The following CLK3 variants were observed in gnomAD, a reference collection of about 807,000 sequenced individuals.
CLK3 encodes the protein dual specificity protein kinase CLK3.
Under a neutral mutation model 65.2 loss-of-function variants are expected in CLK3, and 24 were observed. The ratio of observed to expected loss-of-function variants is 0.37; its 90% CI spans 0.27 to 0.52. The LOEUF is 0.52. Ranked by LOEUF, CLK3 falls within the 20% of genes least tolerant of loss-of-function variation. CLK3 has a pLI of 0.92. For synonymous variants in CLK3, 252 were observed against 240.8 expected (o/e 1.05, Z -0.43); for missense variants, 506 against 660.0 (o/e 0.77, Z 2.56).
rs767858621 is a variant in CLK3 at position 74,627,691 on chromosome 15, A to G, written c.1042+23A>G. The G allele has an allele frequency of 6.2e-6, 10 of 1,612,782 alleles. No individual in the cohort carries two copies. In the African/African-American group the frequency reaches 1.2e-4, roughly 19 times the overall value. The stretch of plus-strand genomic sequence containing the variant: ...TTGGTGAGTGACTGTATGGCCTGTG[A>G]CCTTGTCATACTGGACTGTTGTTGG... On this transcript the variant is annotated intron_variant, in intron 9 of 12. Coordinates refer to ENST00000395066, the MANE Select transcript of CLK3 (RefSeq NM_001130028.2). This position sits in a 1 kb window ranked among gnomAD's most constrained non-coding sequence, Gnocchi z 4.3.
chr15:74,625,660 A>C, intron 6 of CLK3, 142 bp from the exon 7 acceptor site: 1 of 806,082 alleles, frequency 1.2e-6, no homozygotes, highest in Non-Finnish European at 2.0e-6. Context: ...TCTTGCTCTG[A>C]TTTCTCTTGC....
In CLK3 at chr15:74,620,051, T is replaced by G. The variant is rs886951541; in HGVS notation, c.195T>G (p.Arg65=). The change falls in exon 3 of 13, where the codon CGT becomes CGG. Residue 65 remains arginine (R), a synonymous_variant. Coordinates refer to ENST00000395066, the MANE Select transcript of CLK3 (RefSeq NM_001130028.2). ...LPYQRRYRER[R]DSDTYRCEER... is the part of the protein sequence containing the mutation. ...ACCAGAGGAGGTACCGGGAGCGCCG[T>G]GACAGCGATACATACCGGTGTGAAG... is the stretch of plus-strand genomic sequence containing the variant. 6.2e-7 allele frequency: 1 copy of G among 1,614,200 alleles called. No individual in the cohort carries two copies. Among genetic ancestry groups the G allele is most frequent in the Non-Finnish European group, 8.5e-7 (1 of 1,180,042 alleles).
In CLK3 at chr15:74,622,283, C is replaced by T. The variant is rs2062109822; in HGVS notation, c.466+67C>T. 3 of 1,488,560 alleles carry T rather than the reference C, an allele frequency of 2.0e-6. No homozygotes were observed. Among genetic ancestry groups the T allele is most frequent in the African/African-American group, 2.8e-5 (2 of 72,602 alleles). The allele number at this position is 1,488,560 out of a possible 1,614,324, so 92.2% of individuals were successfully genotyped here. A position where few individuals can be genotyped will look rare whatever the true frequency, so the allele number is the denominator to read the frequency against. ...CCCCCCTTGTTAGACGAGACCTCTC[C>T]TGCCTGGAGGGGCCTCTAGTGCGCG... On this transcript the variant is annotated intron_variant, in intron 4 of 12. Transcript: ENST00000395066. This position sits in a 1 kb window ranked among gnomAD's most constrained non-coding sequence, Gnocchi z 4.6.
chr15:74,614,026 T>C (rs1049997529), upstream of CLK3, among the ~76,000 whole-genome samples: 1 of 152,200 alleles, frequency 6.6e-6, no homozygotes, highest in African/African-American at 2.4e-5. Flanking sequence ...CCTAACTTTC[T>C]TTTTTGAGAC....
At chr15:74,609,027 G>C (rs1485023085) in intron 1 of CLK3, among the ~76,000 whole-genome samples, 1 of 152,182 alleles carries the variant, frequency 6.6e-6, no homozygotes, top group Non-Finnish European at 1.5e-5. Flanking sequence ...GCCTGCAATG[G>C]CCCCCCAACA....
intron 12 of CLK3, chr15:74,629,391 C>T (rs982108849): frequency 7.5e-6 from 4 of 532,354 alleles, no homozygotes; most frequent in African/African-American, 5.7e-5. Flanking sequence ...CAGGAAGCCT[C>T]TGTCAACTGC....
upstream of CLK3, chr15:74,614,945 C>G (rs1006983267): frequency 6.5e-6 from 1 of 153,704 alleles, no homozygotes; most frequent in Non-Finnish European, 1.4e-5. Context: ...ACTCCCAGAC[C>G]GGGCGGGACG....
chr15:74,613,745 C>T (rs1202216327), upstream of CLK3, among the ~76,000 whole-genome samples: 3 of 152,068 alleles, frequency 2.0e-5, no homozygotes, highest in Admixed American at 6.5e-5. Context: ...AACATCCATC[C>T]CTCAGGGCTA....
At chr15:74,619,923 GC>G in intron 2 of CLK3, 85 bp from the exon 3 acceptor site, 1 of 1,589,948 alleles carries the variant, frequency 6.3e-7, no homozygotes, top group Admixed American at 1.7e-5. Context: ...TCCCCCTTTA[GC>G]CCTTTACAGT....
chr15:74,616,237 C>T (rs2062058862), intron 1 of CLK3, among the ~76,000 whole-genome samples: 2 of 152,252 alleles, frequency 1.3e-5, no homozygotes, highest in South Asian at 2.1e-4. Flanking sequence ...CTCCCCTACC[C>T]CTGGCTTCAG....
In CLK3 at chr15:74,619,959, G is replaced by A. The variant is rs1242183861; in HGVS notation, c.153-50G>A. On this transcript the variant is annotated intron_variant, in intron 2 of 12. Transcript: ENST00000395066. Reference sequence around the variant, plus strand: ...TGGCCTTACCACAGGTCTCTTGCTTGCTAACAGCAAGGACCCAGCTGACCA... The same window carrying A: ...TGGCCTTACCACAGGTCTCTTGCTTACTAACAGCAAGGACCCAGCTGACCA... 14 of 1,611,392 alleles carry A rather than the reference G, an allele frequency of 8.7e-6. No individual in the cohort carries two copies. The East Asian group carries it at 2.5e-4, about 28-fold the overall frequency.
At position 74,624,853 on chromosome 15, in the gene CLK3, G is replaced by A; in HGVS notation, c.534-49G>A. On this transcript the variant is annotated intron_variant, in intron 5 of 12. Coordinates refer to ENST00000395066, the MANE Select transcript of CLK3 (RefSeq NM_001130028.2). The surrounding 1 kb of genome is among the most constrained non-coding windows in gnomAD (Gnocchi z 4.2). ...TGGGTTGGGGTGGAGGGTTGGGGAA[G>A]GACTGGGCAGCTGCTGATGAGAACC... 1.4e-6 allele frequency: 2 copies of A among 1,389,324 alleles called. No individual in the cohort carries two copies. Among genetic ancestry groups the A allele is most frequent in the Non-Finnish European group, 2.0e-6 (2 of 989,868 alleles). 86.1% of individuals were successfully genotyped at this position (1,389,324 alleles called of 1,614,324 possible).
Position 74,624,848 on chromosome 15 carries a change from G to T in CLK3, c.534-54G>T. The T allele has an allele frequency of 1.5e-6, 2 of 1,340,668 alleles. No individual in the cohort carries two copies. The highest frequency in any genetic ancestry group is 1.2e-5 in the South Asian group (1 of 81,456). The allele number at this position is 1,340,668 out of a possible 1,614,324, so 83.0% of individuals were successfully genotyped here. A position where few individuals can be genotyped will look rare whatever the true frequency, so the allele number is the denominator to read the frequency against. Reference sequence around the variant, plus strand: ...GTTGCTGGGTTGGGGTGGAGGGTTGGGGAAGGACTGGGCAGCTGCTGATGA... The same window carrying T: ...GTTGCTGGGTTGGGGTGGAGGGTTGTGGAAGGACTGGGCAGCTGCTGATGA... On this transcript the variant is annotated intron_variant, in intron 5 of 12. Transcript: ENST00000395066. The surrounding 1 kb of genome is among the most constrained non-coding windows in gnomAD (Gnocchi z 4.2).
intron 6 of CLK3, 102 bp downstream of exon 6, chr15:74,625,120 C>CTGGTTCTGAGTGTGGGGAGA: frequency 1.2e-6 from 1 of 822,628 alleles, no homozygotes; most frequent in African/African-American, 1.7e-5. Flanking sequence ...GCCTTCTCCC[C>CTGGTTCTGAGTGTGGGGAGA]ACACTCAGAA....
Sources: allele counts gnomAD v4.1 joint callset (sites outside exome capture counted in the v4.1 genomes callset), GRCh38; gene constraint gnomAD v4.1.1; non-coding constraint Gnocchi (gnomAD v3.1); transcripts MANE v1.5; gene names NCBI Gene and HGNC (gene_info 2026-07-23, HGNC 2026-07-21).